ASCC3: variants seen among roughly 807,000 people sequenced by gnomAD.
ASCC3 encodes the protein activating signal cointegrator 1 complex subunit 3.
Under a neutral mutation model 256.3 loss-of-function variants are expected in ASCC3, and 158 were observed. The ratio of observed to expected loss-of-function variants is 0.62; its 90% CI spans 0.54 to 0.70. The LOEUF (loss-of-function observed/expected upper bound fraction) is 0.70. Ranked by LOEUF, ASCC3 falls within the 30% of genes least tolerant of loss-of-function variation. The pLI, the probability that ASCC3 is intolerant of heterozygous loss-of-function variation, is 0.00. For missense variants in ASCC3, 2,259 were observed against 2,626.0 expected, an observed-to-expected ratio of 0.86 and a Z score of 3.05; for synonymous variants, 948 against 883.4, an observed-to-expected ratio of 1.07 and a Z score of -1.30.
intron 10 of ASCC3, among the ~76,000 whole-genome samples, chr6:100,747,601 A>G (rs532935754): frequency 2.0e-5 from 3 of 152,248 alleles, no homozygotes; most frequent in African/African-American, 7.2e-5. Flanking sequence ...AAATATCAAC[A>G]TAATAATGTA....
At chr6:100,761,221 T>C (rs368781396) in intron 10 of ASCC3, among the ~76,000 whole-genome samples, 2 of 152,300 alleles carry the variant, frequency 1.3e-5, no homozygotes, top group South Asian at 2.1e-4. Context: ...CCTGGCATGG[T>C]AGCTGATATC....
chr6:100,797,460 C>CAAAAAAAAAAAAAAAAA (rs10550455), intron 8 of ASCC3, among the ~76,000 whole-genome samples: 1 of 86,026 alleles, frequency 1.2e-5, no homozygotes, highest in Non-Finnish European at 2.4e-5. Flanking sequence ...AACTCGTTCT[C>CAAAAAAAAAAAAAAAAA]AAAAAAAAAA....
chr6:100,631,582 G>C (rs1050800250), intron 25 of ASCC3, among the ~76,000 whole-genome samples: 8 of 151,270 alleles, frequency 5.3e-5, no homozygotes, highest in East Asian at 1.9e-4. Flanking sequence ...AGAAAATTAG[G>C]GTTCTGATAA....
intron 4 of ASCC3, among the ~76,000 whole-genome samples, chr6:100,818,902 C>G (rs1467656848): frequency 6.6e-6 from 1 of 151,770 alleles, no homozygotes; most frequent in Non-Finnish European, 1.5e-5. Flanking sequence ...CTATAACTAG[C>G]AATGAAAAAT....
intron 3 of ASCC3, among the ~76,000 whole-genome samples, chr6:100,861,694 C>G (rs901580979): frequency 6.6e-6 from 1 of 152,074 alleles, no homozygotes; most frequent in Admixed American, 6.6e-5. Flanking sequence ...TTTTATTTGT[C>G]TGAGAAATAT....
intron 38 of ASCC3, among the ~76,000 whole-genome samples, chr6:100,517,336 T>G (rs1327109021): frequency 6.6e-6 from 1 of 152,142 alleles, no homozygotes; most frequent in Non-Finnish European, 1.5e-5. Flanking sequence ...CTTGTCTACA[T>G]GACTGTGAAC....
intron 10 of ASCC3, among the ~76,000 whole-genome samples, chr6:100,740,567 A>G (rs1780388293): frequency 6.6e-6 from 1 of 152,182 alleles, no homozygotes; most frequent in Non-Finnish European, 1.5e-5. Context: ...GTGTGAATCT[A>G]AGTCTCTCTG....
In ASCC3 at chr6:100,671,143, T is replaced by C. The variant is rs553890899; in HGVS notation, c.2286+8475A>G. Among the ~76,000 whole-genome samples, 9 of 152,216 alleles carry C rather than the reference T, an allele frequency of 5.9e-5. No individual in the cohort carries two copies. In the East Asian group the frequency reaches 1.7e-3, roughly 29 times the overall value. On this transcript the variant is annotated intron_variant, in intron 14 of 41. Coordinates refer to ENST00000369162, the MANE Select transcript of ASCC3 (RefSeq NM_006828.4). Reference sequence around the variant, plus strand: ...ACAGGCAAACACACAATGGTTGTTGTACAAATCTTTCCTCAAAAGAAATGT... The same window carrying C: ...ACAGGCAAACACACAATGGTTGTTGCACAAATCTTTCCTCAAAAGAAATGT...
intron 4 of ASCC3, among the ~76,000 whole-genome samples, chr6:100,819,656 G>A (rs1770940276): frequency 6.6e-6 from 1 of 152,140 alleles, no homozygotes; most frequent in African/African-American, 2.4e-5. Context: ...CATCCAGGAA[G>A]GGGGTGGGGG....
At chr6:100,642,525 A>G in intron 24 of ASCC3, 56 bp downstream of exon 24, 2 of 1,582,734 alleles carry the variant, frequency 1.3e-6, no homozygotes, top group South Asian at 1.1e-5. Flanking sequence ...TTCAACATTA[A>G]TTAAAACAAC....
intron 36 of ASCC3, among the ~76,000 whole-genome samples, chr6:100,577,852 T>C (rs1393727813): frequency 6.6e-6 from 1 of 152,020 alleles, no homozygotes. Flanking sequence ...AGACACACAA[T>C]AAATATATTT....
At chr6:100,601,977 A>T in intron 33 of ASCC3, 42 bp from the exon 34 acceptor site, 1 of 1,600,774 alleles carries the variant, frequency 6.2e-7, no homozygotes, top group Non-Finnish European at 8.5e-7. Context: ...AAGAGCATTA[A>T]ACTAAAAACA....
chr6:100,609,145 C>T (rs189231381), intron 30 of ASCC3, among the ~76,000 whole-genome samples: 3 of 151,786 alleles, frequency 2.0e-5, no homozygotes, highest in African/African-American at 7.3e-5. Flanking sequence ...AATTGTAAAT[C>T]GGTCCCTTAT....
chr6:100,541,933 TTAA>T (rs1775482954), intron 36 of ASCC3, among the ~76,000 whole-genome samples: 1 of 152,170 alleles, frequency 6.6e-6, no homozygotes, highest in Admixed American at 6.5e-5. Context: ...CTGAATTTTA[TTAA>T]TGGAAGAATA....
At position 100,715,644 on chromosome 6, in the gene ASCC3, G is replaced by T. The variant is rs955582911; in HGVS notation, c.2080-111C>A. ...ATTTTTTAAGCTTTCAGGCTATCTA[G>T]AATGCAGAGGTATCAAATACCTCAT... On this transcript the variant is annotated intron_variant, in intron 12 of 41. Transcript: ENST00000369162. The T allele has an allele frequency of 6.5e-6, 5 of 772,498 alleles. No homozygotes were observed. The African/African-American group carries it at 8.8e-5, about 14-fold the overall frequency. The allele number at this position is 772,498 out of a possible 1,614,324, so 47.9% of individuals were successfully genotyped here.
rs977755835 is a variant in ASCC3 at position 100,706,557 on chromosome 6, C to T, written c.2151+8905G>A. Among the ~76,000 whole-genome samples the T allele has an allele frequency of 6.1e-4, 92 of 151,830 alleles. 3 individuals are homozygous for T. Among genetic ancestry groups the T allele is most frequent in the Non-Finnish European group, 5.9e-5 (4 of 67,890 alleles). On this transcript the variant is annotated intron_variant, in intron 13 of 41. Transcript: ENST00000369162. ...GTGTGATGGAATAAATCAAGGGTTG[C>T]CAACTTTATTGAAATAGGTATATTT...
chr6:100,652,584 C>G, intron 18 of ASCC3, 141 bp downstream of exon 18: 1 of 871,352 alleles, frequency 1.1e-6, no homozygotes, highest in South Asian at 1.7e-5. Flanking sequence ...CTTGTCTTTA[C>G]TGAGGGTATA....
chr6:100,838,355 T>A (rs1771980601), intron 4 of ASCC3, among the ~76,000 whole-genome samples: 1 of 152,040 alleles, frequency 6.6e-6, no homozygotes, highest in African/African-American at 2.4e-5. Flanking sequence ...GCAGATAATG[T>A]TATTTAAAAC....
At chr6:100,716,487 T>G (rs1436495527) in intron 12 of ASCC3, among the ~76,000 whole-genome samples, 2 of 151,906 alleles carry the variant, frequency 1.3e-5, no homozygotes, top group Admixed American at 1.3e-4. Context: ...ATGATTTGGA[T>G]TTTTTGTTTC....
Sources: gnomAD v4.1 joint callset for allele counts (sites outside exome capture counted in the v4.1 genomes callset) on GRCh38, gnomAD v4.1.1 for gene constraint, MANE v1.5 for transcripts, NCBI Gene and HGNC (gene_info 2026-07-23, HGNC 2026-07-21) for gene names.